PLCB1: variants seen among roughly 807,000 people sequenced by gnomAD.
PLCB1 encodes 1-phosphatidylinositol 4,5-bisphosphate phosphodiesterase beta-1.
PLCB1 carries 46 observed loss-of-function variants against 161.8 expected under a neutral mutation model. That is an observed-to-expected ratio of 0.28 (90% CI 0.22 to 0.36). The LOEUF (loss-of-function observed/expected upper bound fraction) is 0.36. Among genes scored for constraint, PLCB1 ranks in the 10% least tolerant of loss-of-function variants. The probability of loss-of-function intolerance (pLI) is 1.00; values close to 1 mark genes in which losing one functional copy is unlikely to be tolerated. For synonymous variants in PLCB1, 517 were observed against 503.7 expected, an observed-to-expected ratio of 1.03 and a Z score of -0.35; for missense variants, 1,016 against 1,472.5, an observed-to-expected ratio of 0.69 and a Z score of 5.07.
chr20:8,565,047 T>A (rs1986278209), intron 3 of PLCB1, among the ~76,000 whole-genome samples: 1 of 152,224 alleles, frequency 6.6e-6, no homozygotes, highest in Non-Finnish European at 1.5e-5. Flanking sequence ...TGTATGTTTA[T>A]TACGGCAGTG....
At chr20:8,865,335 C>T (rs535345188) in intron 31 of PLCB1, among the ~76,000 whole-genome samples, 8 of 152,176 alleles carry the variant, frequency 5.3e-5, no homozygotes, top group South Asian at 4.2e-4. Flanking sequence ...ACCAAAAAGG[C>T]CCCCAGAAAT....
At chr20:8,870,699 C>A (rs886952237) in intron 31 of PLCB1, among the ~76,000 whole-genome samples, 5 of 152,168 alleles carry the variant, frequency 3.3e-5, no homozygotes, top group Admixed American at 1.3e-4. Flanking sequence ...GTCCTTGACT[C>A]CTCCAACCTT....
intron 3 of PLCB1, among the ~76,000 whole-genome samples, chr20:8,443,526 C>T (rs1228211665): frequency 6.6e-6 from 1 of 152,130 alleles, no homozygotes; most frequent in Admixed American, 6.5e-5. Context: ...GTTTGGTGCC[C>T]CAACTTCACT....
At position 8,674,978 on chromosome 20, in the gene PLCB1, TA is replaced by T. The variant is rs1990038922; in HGVS notation, c.863-9953del. ...TAGAATTTAGTTCTAGAAGTCTCCTTATTTTTTTTAGATTTGATGGTATAAT... is the reference window on the plus strand; with the variant it reads ...TAGAATTTAGTTCTAGAAGTCTCCTTTTTTTTTTAGATTTGATGGTATAAT... On this transcript the variant is annotated intron_variant, in intron 9 of 31. Coordinates refer to ENST00000338037, the MANE Select transcript of PLCB1 (RefSeq NM_015192.4). Among the ~76,000 whole-genome samples, 5 of 152,328 alleles carry T rather than the reference TA, an allele frequency of 3.3e-5. 1 individual carries two copies. Among genetic ancestry groups the T allele is most frequent in the African/African-American group, 1.2e-4 (5 of 41,584 alleles).
intron 31 of PLCB1, among the ~76,000 whole-genome samples, chr20:8,879,957 A>G (rs1418232101): frequency 6.6e-6 from 1 of 152,174 alleles, no homozygotes; most frequent in Non-Finnish European, 1.5e-5. Flanking sequence ...GAGCTATCAG[A>G]GTGGCCAAAG....
chr20:8,840,223 T>C (rs10485728), intron 31 of PLCB1, among the ~76,000 whole-genome samples: 18,362 of 152,228 alleles, frequency 0.12, 1,379 homozygotes, highest in South Asian at 0.23. Flanking sequence ...AATGGGTCTC[T>C]TCCTAGATAA....
chr20:8,665,959 C>T (rs1173701301), intron 9 of PLCB1, among the ~76,000 whole-genome samples: 1 of 152,156 alleles, frequency 6.6e-6, no homozygotes, highest in African/African-American at 2.4e-5. Context: ...ATTCCCATGT[C>T]CCTTGGCAAT....
intron 31 of PLCB1, among the ~76,000 whole-genome samples, chr20:8,874,215 T>TATG (rs1987699149): frequency 8.1e-6 from 1 of 123,194 alleles, no homozygotes; most frequent in African/African-American, 3.2e-5. Flanking sequence ...TATTTATATA[T>TATG]ATGTGTATGT....
chr20:8,166,761 T>G (rs1184241104), intron 2 of PLCB1, among the ~76,000 whole-genome samples: 1 of 152,084 alleles, frequency 6.6e-6, no homozygotes, highest in Non-Finnish European at 1.5e-5. Flanking sequence ...TTGGCCCCTT[T>G]CCTTTTGTGC....
chr20:8,177,192 TCATGAGAGCTCTG>T (rs1269015878), intron 2 of PLCB1, among the ~76,000 whole-genome samples: 2 of 152,018 alleles, frequency 1.3e-5, no homozygotes, highest in Non-Finnish European at 2.9e-5. Flanking sequence ...AGTGATTAGG[TCATGAGAGCTCTG>T]CCCTCATGAA....
At chr20:8,567,113 C>T (rs1045642632) in intron 3 of PLCB1, among the ~76,000 whole-genome samples, 10 of 152,176 alleles carry the variant, frequency 6.6e-5, no homozygotes, top group African/African-American at 2.4e-4. Context: ...GTGATATTGG[C>T]CTGGGCACTG....
At chr20:8,422,900 T>C (rs1307137649) in intron 3 of PLCB1, among the ~76,000 whole-genome samples, 1 of 152,206 alleles carries the variant, frequency 6.6e-6, no homozygotes, top group Non-Finnish European at 1.5e-5. Context: ...TTCTGTGCCT[T>C]AGTTTCCCTA....
intron 3 of PLCB1, among the ~76,000 whole-genome samples, chr20:8,553,462 A>C (rs1283297029): frequency 6.6e-6 from 1 of 152,180 alleles, no homozygotes; most frequent in South Asian, 2.1e-4. Flanking sequence ...CCAACTTCTC[A>C]GTTTTGGAAG....
intron 12 of PLCB1, among the ~76,000 whole-genome samples, chr20:8,714,867 T>C (rs1979215696): frequency 6.6e-6 from 1 of 151,778 alleles, no homozygotes; most frequent in African/African-American, 2.4e-5. Flanking sequence ...AAGAAAAAAA[T>C]GAATACAAAA....
intron 2 of PLCB1, among the ~76,000 whole-genome samples, chr20:8,291,351 C>A (rs186344550): frequency 2.6e-4 from 40 of 152,214 alleles, no homozygotes; most frequent in Admixed American, 2.3e-3. Context: ...GAGCCTTATT[C>A]CTGCCCAAAA....
chr20:8,263,437 G>A lies in PLCB1; in HGVS notation c.178-107945G>A, dbSNP rs560856014. Among the ~76,000 whole-genome samples the A allele has an allele frequency of 8.6e-4, 131 of 152,208 alleles. 1 individual carries two copies. Among genetic ancestry groups the A allele is most frequent in the Non-Finnish European group, 1.6e-3 (106 of 68,010 alleles). On this transcript the variant is annotated intron_variant, in intron 2 of 31. Coordinates refer to ENST00000338037, the MANE Select transcript of PLCB1 (RefSeq NM_015192.4). ...TATTTCCTCAAATATGACATCAGTT[G>A]ACTCAATCCCATTAGGAGAAATTTG...
At chr20:8,452,075 T>C (rs1568681962) in intron 3 of PLCB1, among the ~76,000 whole-genome samples, 1 of 152,198 alleles carries the variant, frequency 6.6e-6, no homozygotes, top group East Asian at 1.9e-4. Flanking sequence ...ACAATGTTGA[T>C]TCTGAATGTT....
chr20:8,296,743 G>A (rs1363213668), intron 2 of PLCB1, among the ~76,000 whole-genome samples: 1 of 152,136 alleles, frequency 6.6e-6, no homozygotes, highest in African/African-American at 2.4e-5. Context: ...ACTGTGTGAT[G>A]TAAATGCAAA....
At chr20:8,787,288 C>G (rs1050932889) in intron 27 of PLCB1, among the ~76,000 whole-genome samples, 1 of 152,218 alleles carries the variant, frequency 6.6e-6, no homozygotes, top group South Asian at 2.1e-4. Flanking sequence ...AGGCTCCTCC[C>G]TGCTGCAAAT....
Sources: gnomAD v4.1 joint callset for allele counts (sites outside exome capture counted in the v4.1 genomes callset) on GRCh38, gnomAD v4.1.1 for gene constraint, MANE v1.5 for transcripts, NCBI Gene and HGNC (gene_info 2026-07-23, HGNC 2026-07-21) for gene names.